The following ZBTB44 variants were observed in gnomAD, a reference collection of about 807,000 sequenced individuals.
ZBTB44 encodes zinc finger and BTB domain containing 44, also known as zinc finger and BTB domain-containing protein 44.
ZBTB44 carries 15 observed loss-of-function variants against 54.0 expected under a neutral mutation model. The observed-to-expected ratio is 0.28, with a 90% CI of 0.19 to 0.43. The LOEUF is 0.43. Ranked by LOEUF, ZBTB44 falls within the 20% of genes least tolerant of loss-of-function variation. The probability of loss-of-function intolerance (pLI) is 1.00; values close to 1 mark genes in which losing one functional copy is unlikely to be tolerated. For synonymous variants in ZBTB44, 230 were observed against 250.1 expected (o/e 0.92, Z 0.76); for missense variants, 487 against 707.1 (o/e 0.69, Z 3.53).
chr11:130,272,692 T>C lies in ZBTB44; in HGVS notation c.-56-10763A>G, dbSNP rs958128818. 1.7e-4 allele frequency among the ~76,000 whole-genome samples: 26 copies of C among 152,260 alleles called. 1 individual carries two copies. Among genetic ancestry groups the C allele is most frequent in the African/African-American group, 6.3e-4 (26 of 41,566 alleles). On this transcript the variant is annotated intron_variant, in intron 1 of 7. Transcript: ENST00000357899. ...GTCATGAAGATTTACTAATATCTTT[T>C]TTTTTTTTTCAAGGAGTTTTAAAGT...
At chr11:130,286,105 A>G (rs1200486816) in intron 1 of ZBTB44, among the ~76,000 whole-genome samples, 1 of 152,236 alleles carries the variant, frequency 6.6e-6, no homozygotes, top group Non-Finnish European at 1.5e-5. Flanking sequence ...GTTAGGACTC[A>G]TTACAGTCAA....
chr11:130,288,170 C>G (rs1389198292), intron 1 of ZBTB44, among the ~76,000 whole-genome samples: 3 of 151,748 alleles, frequency 2.0e-5, no homozygotes, highest in Non-Finnish European at 4.4e-5. Context: ...GTCAGGAGTT[C>G]AAGACCAGCC....
chr11:130,267,309 G>T (rs1010311134), intron 1 of ZBTB44, among the ~76,000 whole-genome samples: 1 of 152,096 alleles, frequency 6.6e-6, no homozygotes, highest in Non-Finnish European at 1.5e-5. Context: ...GGTTCATGAG[G>T]TTGAAGGAAA....
chr11:130,229,907 A>G lies in ZBTB44; in HGVS notation c.*1857T>C, dbSNP rs1399161687. ...TTTTTCCCAGTTAGTATTAATATTTAGAAAATTTTTAATTCTCATTCACTT... is the reference window on the plus strand; with the variant it reads ...TTTTTCCCAGTTAGTATTAATATTTGGAAAATTTTTAATTCTCATTCACTT... On this transcript the variant is annotated 3_prime_UTR_variant, in exon 8 of 8. Coordinates refer to ENST00000357899, the MANE Select transcript of ZBTB44 (RefSeq NM_001301098.2). 6.6e-6 allele frequency: 1 copy of G among 152,050 alleles called. No homozygotes were observed. The highest frequency in any genetic ancestry group is 1.5e-5 in the Non-Finnish European group (1 of 67,974). The allele number at this position is 152,050 out of a possible 1,614,324, so 9.4% of individuals were successfully genotyped here. A position where few individuals can be genotyped will look rare whatever the true frequency, so the allele number is the denominator to read the frequency against.
At chr11:130,297,433 C>T (rs559641939) in intron 1 of ZBTB44, among the ~76,000 whole-genome samples, 1 of 152,342 alleles carries the variant, frequency 6.6e-6, no homozygotes, top group South Asian at 2.1e-4. Context: ...CTTACCTCTG[C>T]ACAAGCAGTT....
intron 1 of ZBTB44, among the ~76,000 whole-genome samples, chr11:130,266,257 T>C (rs1939241447): frequency 6.6e-6 from 1 of 152,208 alleles, no homozygotes; most frequent in African/African-American, 2.4e-5. Context: ...ATTTACAGCA[T>C]GGTTTACTGA....
intron 2 of ZBTB44, among the ~76,000 whole-genome samples, chr11:130,253,883 G>A (rs2136378851): frequency 6.6e-6 from 1 of 152,214 alleles, no homozygotes; most frequent in Admixed American, 6.5e-5. Context: ...TAGACCAATG[G>A]ACCAGAACAG....
rs1366260933 is a variant in ZBTB44 at position 130,238,362 on chromosome 11, CCT to C, written c.1267+80_1267+81del. The C allele has an allele frequency of 5.3e-5, 74 of 1,396,374 alleles. No individual in the cohort carries two copies. The East Asian group carries it at 9.4e-4, about 18-fold the overall frequency. The allele number at this position is 1,396,374 out of a possible 1,614,324, so 86.5% of individuals were successfully genotyped here. A position where few individuals can be genotyped will look rare whatever the true frequency, so the allele number is the denominator to read the frequency against. Reference sequence around the variant, plus strand: ...GAGTTTTTTTTAAAACTCAGAAGCCCCTGTTTTCTATTTTAACTGGGACTGCA... The same window carrying C: ...GAGTTTTTTTTAAAACTCAGAAGCCCGTTTTCTATTTTAACTGGGACTGCA... On this transcript the variant is annotated intron_variant, in intron 4 of 7. Transcript: ENST00000357899.
chr11:130,258,346 ATCTAT>A (rs1371328220), intron 2 of ZBTB44, among the ~76,000 whole-genome samples: 60 of 152,284 alleles, frequency 3.9e-4, no homozygotes, highest in African/African-American at 1.4e-3. Flanking sequence ...GTCTTGTAAT[ATCTAT>A]TTTCTTTCAC....
chr11:130,256,474 G>A (rs1345385039), intron 2 of ZBTB44, among the ~76,000 whole-genome samples: 5 of 152,000 alleles, frequency 3.3e-5, no homozygotes, highest in South Asian at 2.1e-4. Context: ...TCAAGAGATC[G>A]AGACCATCCT....
intron 6 of ZBTB44, chr11:130,233,653 TC>T: frequency 1.6e-6 from 2 of 1,259,542 alleles, no homozygotes; most frequent in Non-Finnish European, 2.0e-6. Context: ...CTCAAGAAGG[TC>T]AATAATCATC....
chr11:130,264,205 ATAG>A (rs1939084949), intron 1 of ZBTB44, among the ~76,000 whole-genome samples: 1 of 152,240 alleles, frequency 6.6e-6, no homozygotes, highest in Non-Finnish European at 1.5e-5. Context: ...AGTGTTTAGA[ATAG>A]TAACTAGTAA....
chr11:130,282,539 A>G (rs555112125), intron 1 of ZBTB44, among the ~76,000 whole-genome samples: 2 of 152,342 alleles, frequency 1.3e-5, no homozygotes, highest in African/African-American at 4.8e-5. Flanking sequence ...TGGACACTTG[A>G]GTCTTTTCTA....
intron 2 of ZBTB44, among the ~76,000 whole-genome samples, chr11:130,250,502 G>A (rs1009384405): frequency 7.9e-5 from 12 of 152,174 alleles, no homozygotes; most frequent in Middle Eastern, 3.2e-3. Context: ...TTCCCAACAG[G>A]GGTGACAGAC....
At position 130,231,014 on chromosome 11, in the gene ZBTB44, T is replaced by G. The variant is rs1953857030; in HGVS notation, c.*750A>C. The stretch of plus-strand genomic sequence containing the variant: ...CCCTTTAGATACCACAAAGTTACCC[T>G]CCTGGCCTTAAGAAAGATAGCTACG... On this transcript the variant is annotated 3_prime_UTR_variant, in exon 8 of 8. Transcript: ENST00000357899. 1 of 152,110 alleles carries G rather than the reference T, an allele frequency of 6.6e-6. No homozygotes were observed. Among genetic ancestry groups the G allele is most frequent in the Non-Finnish European group, 1.5e-5 (1 of 67,962 alleles). 9.4% of individuals were successfully genotyped at this position (152,110 alleles called of 1,614,324 possible).
At chr11:130,278,214 T>A (rs550294205) in intron 1 of ZBTB44, among the ~76,000 whole-genome samples, 4 of 152,308 alleles carry the variant, frequency 2.6e-5, no homozygotes, top group Non-Finnish European at 5.9e-5. Flanking sequence ...AGATCACAGC[T>A]TAGTCTAGCT....
intron 2 of ZBTB44, among the ~76,000 whole-genome samples, chr11:130,250,931 G>C (rs1347384816): frequency 6.6e-6 from 1 of 152,194 alleles, no homozygotes; most frequent in Non-Finnish European, 1.5e-5. Flanking sequence ...ACACTGGACA[G>C]AGAATGAATT....
intron 1 of ZBTB44, chr11:130,296,215 A>G: frequency 7.7e-7 from 1 of 1,292,222 alleles, no homozygotes; most frequent in Non-Finnish European, 1.1e-6. Flanking sequence ...GTTAGTGTTG[A>G]TGATGATAAA....
At chr11:130,312,169 G>C (rs564107440) in intron 1 of ZBTB44, among the ~76,000 whole-genome samples, 1 of 152,258 alleles carries the variant, frequency 6.6e-6, no homozygotes, top group East Asian at 1.9e-4. Flanking sequence ...TCCTTACAGA[G>C]AACCTCCAAT....
Sources: allele counts gnomAD v4.1 joint callset (sites outside exome capture counted in the v4.1 genomes callset), GRCh38; gene constraint gnomAD v4.1.1; transcripts MANE v1.5; gene names NCBI Gene and HGNC (gene_info 2026-07-23, HGNC 2026-07-21).